Variants in DNAH9 observed in about 807,000 individuals in gnomAD.
DNAH9 encodes the protein dynein axonemal heavy chain 9.
In DNAH9, 345 loss-of-function variants were observed where a neutral mutation model predicts 471.6. The observed-to-expected ratio is 0.73, with a 90% CI of 0.67 to 0.80. The LOEUF is 0.80. Among genes scored for constraint, DNAH9 ranks in the 30% least tolerant of loss-of-function variants. The pLI is 0.00. For synonymous variants in DNAH9, 2,093 were observed against 2,123.6 expected, an observed-to-expected ratio of 0.99 and a Z score of 0.40; for missense variants, 5,407 against 5,609.2, an observed-to-expected ratio of 0.96 and a Z score of 1.15.
At chr17:11,774,424 T>A (rs952128589) in intron 38 of DNAH9, among the ~76,000 whole-genome samples, 1 of 152,178 alleles carries the variant, frequency 6.6e-6, no homozygotes, top group African/African-American at 2.4e-5. Context: ...AGAGGTTTAA[T>A]GGACTCACAG....
At chr17:11,799,131 C>T (rs1969362554) in intron 43 of DNAH9, among the ~76,000 whole-genome samples, 3 of 152,132 alleles carry the variant, frequency 2.0e-5, no homozygotes, top group South Asian at 2.1e-4. Context: ...GTCTTTTCTT[C>T]TAGCCCACCT....
chr17:11,783,351 T>C (rs764676062), intron 39 of DNAH9, among the ~76,000 whole-genome samples: 6 of 152,212 alleles, frequency 3.9e-5, no homozygotes, highest in Non-Finnish European at 5.9e-5. Context: ...TTGACCACTC[T>C]CTTCTTTTGA....
In DNAH9 at chr17:11,808,796, A is replaced by G. The variant is rs551004836; in HGVS notation, c.8583+902A>G. On this transcript the variant is annotated intron_variant, in intron 44 of 68. Coordinates refer to ENST00000262442, the MANE Select transcript of DNAH9 (RefSeq NM_001372.4). ...TACTGATGCCTGTGTCCCACTCCCC[A>G]GTATTCTGGTTTAACTAGTCTGGGG... Among the ~76,000 whole-genome samples, 6 of 152,272 alleles carry G rather than the reference A, an allele frequency of 3.9e-5. No homozygotes were observed. The East Asian group carries it at 7.7e-4, about 20-fold the overall frequency.
chr17:11,681,566 T>C (rs2074134297), intron 19 of DNAH9, among the ~76,000 whole-genome samples: 1 of 152,192 alleles, frequency 6.6e-6, no homozygotes, highest in Non-Finnish European at 1.5e-5. Context: ...TCTGCTGATG[T>C]GCCAGCTAGA....
At chr17:11,859,310 G>A (rs1971745243) in intron 50 of DNAH9, among the ~76,000 whole-genome samples, 1 of 151,178 alleles carries the variant, frequency 6.6e-6, no homozygotes, top group South Asian at 2.1e-4. Context: ...TACTCCGGAG[G>A]CTGAGGCAGA....
chr17:11,952,184 G>T (rs1975396252), intron 67 of DNAH9, among the ~76,000 whole-genome samples: 1 of 146,140 alleles, frequency 6.8e-6, no homozygotes. Context: ...CTGTTGCCCA[G>T]GCTGGAGTTC....
intron 14 of DNAH9, among the ~76,000 whole-genome samples, chr17:11,656,342 G>T (rs1453350945): frequency 1.3e-5 from 2 of 151,948 alleles, no homozygotes; most frequent in Non-Finnish European, 2.9e-5. Flanking sequence ...TCATATATTT[G>T]TTGGCCATTT....
chr17:11,752,713 G>A, intron 32 of DNAH9, 120 bp from the exon 33 acceptor site: 1 of 665,344 alleles, frequency 1.5e-6, no homozygotes, highest in Non-Finnish European at 2.4e-6. Context: ...GGTCTGATCT[G>A]CCTTTGCATG....
chr17:11,721,567 A>T (rs1489166334), intron 27 of DNAH9, among the ~76,000 whole-genome samples: 1 of 152,110 alleles, frequency 6.6e-6, no homozygotes, highest in African/African-American at 2.4e-5. Context: ...TTTCCTCAGC[A>T]TGTGCTGAGC....
intron 60 of DNAH9, 123 bp from the exon 61 acceptor site, chr17:11,905,538 T>C: frequency 1.9e-6 from 2 of 1,057,786 alleles, no homozygotes; most frequent in Non-Finnish European, 2.7e-6. Flanking sequence ...GTCCTAGCTC[T>C]ATAACTACCT....
chr17:11,812,385 A>C (rs956277836), intron 45 of DNAH9, among the ~76,000 whole-genome samples: 36 of 151,958 alleles, frequency 2.4e-4, no homozygotes, highest in African/African-American at 7.0e-4. Context: ...TAGTCTATCT[A>C]GTATATATAG....
Position 11,810,356 on chromosome 17 carries a change from T to C in DNAH9, c.8694T>C (p.Asp2898=). The C allele has an allele frequency of 6.2e-7, 1 of 1,612,044 alleles. No individual in the cohort carries two copies. The highest frequency in any genetic ancestry group is 8.5e-7 in the Non-Finnish European group (1 of 1,179,348). The change falls in exon 45 of 69, where the codon GAT becomes GAC. Residue 2898 remains aspartate (D), a synonymous_variant. Coordinates refer to ENST00000262442, the MANE Select transcript of DNAH9 (RefSeq NM_001372.4). ...AGAGGTTCCTTGTGCTCATCAATGA[T>C]CTTTTGGCATCTGGTAAGAGATTCC... ...ADERFLVLIN[D]LLASGEIPDL...
In DNAH9 at chr17:11,623,432, C is replaced by T. The variant is rs181288684; in HGVS notation, c.1350+3651C>T. On this transcript the variant is annotated intron_variant, in intron 6 of 68. Transcript: ENST00000262442. This position sits in a 1 kb window ranked among gnomAD's most constrained non-coding sequence, Gnocchi z 4.1. ...ATTTCCATGTGTTTTCATCTTCCCA[C>T]GGCTACTCCTTGCCCCTTTTCCTCA... 3.5e-3 allele frequency among the ~76,000 whole-genome samples: 537 copies of T among 152,216 alleles called. 1 individual carries two copies. The highest frequency in any genetic ancestry group is 6.7e-3 in the Non-Finnish European group (456 of 68,016).
At chr17:11,646,129 G>T (rs538747364) in intron 11 of DNAH9, among the ~76,000 whole-genome samples, 4 of 151,596 alleles carry the variant, frequency 2.6e-5, no homozygotes, top group Non-Finnish European at 5.9e-5. Context: ...TCTGCCTGCC[G>T]TGGCCTCCTA....
At chr17:11,691,437 G>T (rs1030474634) in intron 20 of DNAH9, among the ~76,000 whole-genome samples, 4 of 152,118 alleles carry the variant, frequency 2.6e-5, no homozygotes, top group Non-Finnish European at 5.9e-5. Flanking sequence ...TGAAGAGTTA[G>T]TATCATTAAC....
Position 11,822,019 on chromosome 17 carries a change from A to C in DNAH9, c.8807A>C (p.Asn2936Thr), listed in dbSNP as rs1019302288. ...CAGGGTCTGGTTGACAACAGAGAGA[A>C]CTGTTGGAAGTTCTTTATAGATCGG... ...KSQGLVDNRE[N>T]CWKFFIDRIR... is the part of the protein sequence containing the mutation. Residue 2936 changes from asparagine (N) to threonine (T), a missense_variant, in exon 46 of 69, where the codon AAC (asparagine) becomes ACC (threonine). Physicochemically the swap from Asn to Thr is moderately conservative, Grantham distance 65. Transcript: ENST00000262442. 2.5e-6 allele frequency: 4 copies of C among 1,614,114 alleles called. No homozygotes were observed. The highest frequency in any genetic ancestry group is 3.4e-6 in the Non-Finnish European group (4 of 1,179,976).
At chr17:11,716,405 T>C (rs2074964475) in intron 26 of DNAH9, among the ~76,000 whole-genome samples, 1 of 152,082 alleles carries the variant, frequency 6.6e-6, no homozygotes, top group African/African-American at 2.4e-5. Flanking sequence ...TGCGTTTTTT[T>C]TCATGGCCTG....
intron 27 of DNAH9, among the ~76,000 whole-genome samples, chr17:11,720,237 ATTTTTCTTTT>A (rs1317985527): frequency 2.7e-5 from 4 of 149,778 alleles, no homozygotes; most frequent in Admixed American, 6.7e-5. Flanking sequence ...CTATTTTCCA[ATTTTTCTTTT>A]TTTTTCTTTT....
intron 27 of DNAH9, among the ~76,000 whole-genome samples, chr17:11,721,567 A>C (rs1489166334): frequency 6.6e-6 from 1 of 152,110 alleles, no homozygotes; most frequent in Non-Finnish European, 1.5e-5. Flanking sequence ...TTTCCTCAGC[A>C]TGTGCTGAGC....
Sources: gnomAD v4.1 joint callset for allele counts (sites outside exome capture counted in the v4.1 genomes callset) on GRCh38, gnomAD v4.1.1 for gene constraint, Gnocchi (gnomAD v3.1) non-coding constraint, MANE v1.5 for transcripts, NCBI Gene and HGNC (gene_info 2026-07-23, HGNC 2026-07-21) for gene names.